The following KLHL1 variants were observed in gnomAD, a reference collection of about 807,000 sequenced individuals.
The protein encoded by KLHL1 is kelch like family member 1.
A neutral mutation model predicts 77.7 loss-of-function variants in KLHL1; 47 were observed. That is an observed-to-expected ratio of 0.60 (90% confidence interval 0.48 to 0.77). The LOEUF (loss-of-function observed/expected upper bound fraction) is 0.77, where lower values mean the gene tolerates loss of function less well. Among genes scored for constraint, KLHL1 ranks in the 30% least tolerant of loss-of-function variants. The pLI, the probability that KLHL1 is intolerant of heterozygous loss-of-function variation, is 0.00. For synonymous variants in KLHL1, 360 were observed against 325.2 expected (o/e 1.11, Z -1.15); for missense variants, 925 against 910.8 (o/e 1.02, Z -0.20).
At chr13:70,001,224 A>C (rs1885279846) in intron 1 of KLHL1, among the ~76,000 whole-genome samples, 1 of 151,270 alleles carries the variant, frequency 6.6e-6, no homozygotes, top group South Asian at 2.1e-4. Flanking sequence ...GGAAATAGAA[A>C]TAAGCTAAGA....
At chr13:69,880,994 T>C (rs753465097) in intron 5 of KLHL1, among the ~76,000 whole-genome samples, 19 of 152,280 alleles carry the variant, frequency 1.2e-4, no homozygotes, top group Middle Eastern at 3.4e-3. Context: ...CAAACTCTAA[T>C]AGATACTACC....
At chr13:70,036,837 T>G (rs552905717) in intron 1 of KLHL1, among the ~76,000 whole-genome samples, 2 of 4,842 alleles carry the variant, frequency 4.1e-4, no homozygotes, top group East Asian at 0.026. Flanking sequence ...GCCATGGTCT[T>G]TTTTTTTTTT....
chr13:70,054,269 T>G (rs759292473), intron 1 of KLHL1, among the ~76,000 whole-genome samples: 1 of 152,028 alleles, frequency 6.6e-6, no homozygotes, highest in Non-Finnish European at 1.5e-5. Flanking sequence ...ATATCTATCT[T>G]GGTAAACTTT....
intron 1 of KLHL1, among the ~76,000 whole-genome samples, chr13:70,041,133 T>A (rs112523039): frequency 4.3e-4 from 65 of 152,156 alleles, no homozygotes; most frequent in Admixed American, 1.3e-3. Flanking sequence ...TTTTAAAAAA[T>A]TTTTTTTATT....
At chr13:69,879,521 T>C (rs1203592038) in intron 5 of KLHL1, among the ~76,000 whole-genome samples, 5 of 152,118 alleles carry the variant, frequency 3.3e-5, no homozygotes, top group African/African-American at 7.2e-5. Context: ...GACCTATATA[T>C]TAATCATTCG....
chr13:69,897,856 T>A (rs2138220919), intron 4 of KLHL1, among the ~76,000 whole-genome samples: 1 of 152,314 alleles, frequency 6.6e-6, no homozygotes, highest in East Asian at 1.9e-4. Context: ...ATGAGATCAT[T>A]AACCAGATTT....
chr13:69,888,726 G>A lies in KLHL1; in HGVS notation c.1015-6231C>T, dbSNP rs143826420. On this transcript the variant is annotated intron_variant, in intron 4 of 10. Transcript: ENST00000377844. ...TCATTAGAACTGCAAAAAAGTAAAT[G>A]TAATGTCTTTTAAGCCACCCATTTT... Among the ~76,000 whole-genome samples the A allele has an allele frequency of 5.2e-3, 795 of 152,132 alleles. 11 individuals are homozygous for A. Among genetic ancestry groups the A allele is most frequent in the African/African-American group, 0.018 (736 of 41,504 alleles).
At chr13:69,703,292 CAAACCTGTT>C (rs1875481217) in intron 10 of KLHL1, among the ~76,000 whole-genome samples, 1 of 151,346 alleles carries the variant, frequency 6.6e-6, no homozygotes, top group Non-Finnish European at 1.5e-5. Context: ...CTGGTGTAAA[CAAACCTGTT>C]GTACCGCTTT....
chr13:69,788,412 C>CA (rs1183963142), intron 7 of KLHL1, among the ~76,000 whole-genome samples: 2 of 151,628 alleles, frequency 1.3e-5, no homozygotes, highest in Non-Finnish European at 2.9e-5. Context: ...ATCACAAGGA[C>CA]AAAAAACCAA....
chr13:69,789,545 T>TAAAC (rs555222562), intron 7 of KLHL1, among the ~76,000 whole-genome samples: 33 of 152,300 alleles, frequency 2.2e-4, no homozygotes, highest in Non-Finnish European at 3.8e-4. Context: ...ATAAATGACA[T>TAAAC]AAACAGTATT....
intron 1 of KLHL1, among the ~76,000 whole-genome samples, chr13:69,978,391 T>C (rs950613606): frequency 6.6e-6 from 1 of 151,636 alleles, no homozygotes; most frequent in Non-Finnish European, 1.5e-5. Context: ...CTCTAAAGAA[T>C]GGCTACAGAT....
intron 3 of KLHL1, among the ~76,000 whole-genome samples, chr13:69,955,295 T>C (rs1883831547): frequency 6.6e-6 from 1 of 151,522 alleles, no homozygotes; most frequent in East Asian, 1.9e-4. Flanking sequence ...ATTTATTTCA[T>C]TCAAATGTTT....
rs1283434549 is a variant in KLHL1, at chr13:69,818,218, TC to T, written c.1414+20757del. Reference sequence around the variant, plus strand: ...AAGAATTTAACTTAACTCATAGGCATCTTTTTTTTTTTTTTTTTTTTGAGAC... The same window carrying T: ...AAGAATTTAACTTAACTCATAGGCATTTTTTTTTTTTTTTTTTTTTGAGAC... On this transcript the variant is annotated intron_variant, in intron 6 of 10. Transcript: ENST00000377844. Among the ~76,000 whole-genome samples the T allele has an allele frequency of 4.6e-4, 65 of 140,302 alleles. No individual in the cohort carries two copies. In the East Asian group the frequency reaches 0.011, roughly 23 times the overall value. 92.0% of individuals were successfully genotyped at this position (140,302 alleles called of 152,430 possible).
chr13:70,082,012 C>T (rs1440106178), intron 1 of KLHL1, among the ~76,000 whole-genome samples: 1 of 152,056 alleles, frequency 6.6e-6, no homozygotes, highest in Admixed American at 6.5e-5. Flanking sequence ...TTTTGTGATA[C>T]TGACTGAGTT....
chr13:69,848,669 A>C (rs1392460058), intron 5 of KLHL1, among the ~76,000 whole-genome samples: 1 of 151,576 alleles, frequency 6.6e-6, no homozygotes, highest in African/African-American at 2.4e-5. Context: ...GCTAAAACTT[A>C]CATCAGATAC....
intron 4 of KLHL1, among the ~76,000 whole-genome samples, chr13:69,927,559 A>C (rs1401622648): frequency 1.3e-5 from 2 of 152,238 alleles, no homozygotes; most frequent in African/African-American, 2.4e-5. Flanking sequence ...TTTACAACTA[A>C]GTAATTTTTC....
chr13:69,776,831 TAAC>T (rs2137993486), intron 7 of KLHL1, among the ~76,000 whole-genome samples: 1 of 152,336 alleles, frequency 6.6e-6, no homozygotes, highest in Admixed American at 6.5e-5. Flanking sequence ...TCTCTTCTCT[TAAC>T]AGCTCTTTCT....
intron 7 of KLHL1, among the ~76,000 whole-genome samples, chr13:69,751,720 T>C (rs1490972998): frequency 6.6e-6 from 1 of 152,114 alleles, no homozygotes; most frequent in Non-Finnish European, 1.5e-5. Context: ...GTTACTAATA[T>C]GTTTTAAACA....
intron 1 of KLHL1, among the ~76,000 whole-genome samples, chr13:70,087,646 C>G: frequency 6.6e-6 from 1 of 151,956 alleles, no homozygotes; most frequent in Non-Finnish European, 1.5e-5. Context: ...TCCACTGTTT[C>G]TTTTCAGATA....
Sources: allele counts gnomAD v4.1 joint callset (sites outside exome capture counted in the v4.1 genomes callset), GRCh38; gene constraint gnomAD v4.1.1; transcripts MANE v1.5; gene names NCBI Gene and HGNC (gene_info 2026-07-23, HGNC 2026-07-21).